Variants in EYS observed in about 807,000 individuals in gnomAD.
EYS encodes EGF-like photoreceptor maintenance factor, also known as protein eyes shut homolog.
In EYS, 250 loss-of-function variants were observed where a neutral mutation model predicts 282.1. The ratio of observed to expected loss-of-function variants is 0.89; its 90% CI spans 0.80 to 0.98. The LOEUF (loss-of-function observed/expected upper bound fraction) is 0.98. EYS is among the 50% of genes least tolerant of loss of function. The pLI is 0.00. For missense variants in EYS, 4,016 were observed against 3,709.0 expected (o/e 1.08, Z -2.15); for synonymous variants, 1,355 against 1,282.9 (o/e 1.06, Z -1.20).
chr6:65,239,705 T>G (rs569381879), intron 12 of EYS, among the ~76,000 whole-genome samples: 4 of 152,224 alleles, frequency 2.6e-5, no homozygotes, highest in Admixed American at 6.5e-5. Flanking sequence ...AAATGGTTTT[T>G]GAAATTAAGA....
chr6:64,644,687 A>G, intron 22 of EYS, among the ~76,000 whole-genome samples: 1 of 152,192 alleles, frequency 6.6e-6, no homozygotes, highest in East Asian at 1.9e-4. Flanking sequence ...GCATGGAAAA[A>G]TATGTTTGCA....
At chr6:64,107,871 A>G (rs1773084754) in intron 31 of EYS, among the ~76,000 whole-genome samples, 1 of 152,054 alleles carries the variant, frequency 6.6e-6, no homozygotes, top group Non-Finnish European at 1.5e-5. Context: ...CGGTGTCCTC[A>G]GACTAGGAAC....
chr6:64,053,128 CT>C (rs1342346917), intron 33 of EYS, among the ~76,000 whole-genome samples: 9 of 151,842 alleles, frequency 5.9e-5, no homozygotes, highest in Non-Finnish European at 7.4e-5. Context: ...TTTCTACCCC[CT>C]TTTTTTGAAA....
chr6:65,513,110 C>G (rs1365109742), intron 2 of EYS, among the ~76,000 whole-genome samples: 1 of 152,126 alleles, frequency 6.6e-6, no homozygotes, highest in East Asian at 1.9e-4. Context: ...AAGGGGATAT[C>G]ACCACCAATC....
At chr6:64,495,279 GACA>G (rs997465291) in intron 26 of EYS, among the ~76,000 whole-genome samples, 5 of 151,674 alleles carry the variant, frequency 3.3e-5, no homozygotes, top group African/African-American at 1.2e-4. Flanking sequence ...AGTCAGGTCA[GACA>G]ACAACTCGGC....
chr6:64,336,433 T>G (rs1490630182), intron 29 of EYS, among the ~76,000 whole-genome samples: 1 of 152,004 alleles, frequency 6.6e-6, no homozygotes, highest in African/African-American at 2.4e-5. Context: ...TCACAATCCT[T>G]AACATACATG....
intron 18 of EYS, among the ~76,000 whole-genome samples, chr6:64,890,048 C>CG (rs1158620150): frequency 2.8e-5 from 1 of 36,116 alleles, no homozygotes; most frequent in Non-Finnish European, 7.9e-5. Flanking sequence ...TATAAATGCC[C>CG]CCCCCCCCCA....
chr6:63,801,429 A>T (rs1222832893), intron 37 of EYS, among the ~76,000 whole-genome samples: 1 of 152,188 alleles, frequency 6.6e-6, no homozygotes, highest in Non-Finnish European at 1.5e-5. Context: ...GTGCCCAACC[A>T]ATATTTGTCC....
chr6:64,325,276 G>A (rs182441579), intron 29 of EYS, among the ~76,000 whole-genome samples: 1 of 152,224 alleles, frequency 6.6e-6, no homozygotes, highest in East Asian at 1.9e-4. Flanking sequence ...CCCTGGAGCC[G>A]GGTAGGCTTG....
intron 5 of EYS, among the ~76,000 whole-genome samples, chr6:65,478,334 C>A (rs1765482046): frequency 6.6e-6 from 1 of 152,042 alleles, no homozygotes; most frequent in Non-Finnish European, 1.5e-5. Flanking sequence ...ATTACATAAA[C>A]ACCTGAATGC....
chr6:64,342,626 G>A (rs1295306124), intron 29 of EYS, among the ~76,000 whole-genome samples: 1 of 152,046 alleles, frequency 6.6e-6, no homozygotes, highest in African/African-American at 2.4e-5. Context: ...AAATTGTAAA[G>A]ACCATAAAGG....
chr6:64,858,454 T>C (rs1055119423), intron 19 of EYS, among the ~76,000 whole-genome samples: 8 of 152,124 alleles, frequency 5.3e-5, no homozygotes, highest in African/African-American at 1.4e-4. Context: ...CATTGGTTGA[T>C]GTGTCTCTCT....
intron 2 of EYS, among the ~76,000 whole-genome samples, chr6:65,627,744 C>T (rs900525614): frequency 3.9e-5 from 6 of 152,322 alleles, no homozygotes; most frequent in African/African-American, 7.2e-5. Flanking sequence ...ACCGATGCTG[C>T]GCTCGATTTC....
At chr6:65,335,892 G>T (rs1381366073) in intron 10 of EYS, among the ~76,000 whole-genome samples, 1 of 151,718 alleles carries the variant, frequency 6.6e-6, no homozygotes. Flanking sequence ...GACTGTTGGA[G>T]GTGGGGCCTG....
intron 26 of EYS, among the ~76,000 whole-genome samples, chr6:64,558,883 T>C (rs1440484127): frequency 6.6e-6 from 1 of 152,212 alleles, no homozygotes; most frequent in African/African-American, 2.4e-5. Flanking sequence ...TCATCTTTTT[T>C]GAAACCACTC....
intron 5 of EYS, among the ~76,000 whole-genome samples, chr6:65,427,322 A>G (rs544376283): frequency 2.6e-5 from 4 of 152,154 alleles, no homozygotes; most frequent in South Asian, 2.1e-4. Context: ...ATTAATTGAG[A>G]TGATGAAGAG....
chr6:65,544,001 A>AGTGTGT (rs751872447), intron 2 of EYS, among the ~76,000 whole-genome samples: 4,862 of 145,000 alleles, frequency 0.034, 85 homozygotes, highest in Non-Finnish European at 0.042. Context: ...AAAAAGAGAA[A>AGTGTGT]GTGTGTGTGT....
At chr6:64,649,910 G>C (rs1474290821) in intron 22 of EYS, among the ~76,000 whole-genome samples, 2 of 152,002 alleles carry the variant, frequency 1.3e-5, no homozygotes, top group Non-Finnish European at 2.9e-5. Context: ...TTTTGTGAGG[G>C]TACCATGGAC....
Position 64,390,068 on chromosome 6 carries a change from G to T in EYS, c.5928-1228C>A, listed in dbSNP as rs569193892. Reference sequence around the variant, plus strand: ...CCCGAATACTGCGCTTTTCCAACGGGCTTAAAAAACGGCACATCACGAGAT... The same window carrying T: ...CCCGAATACTGCGCTTTTCCAACGGTCTTAAAAAACGGCACATCACGAGAT... On this transcript the variant is annotated intron_variant, in intron 28 of 42. Transcript: ENST00000503581. Among the ~76,000 whole-genome samples the T allele has an allele frequency of 3.3e-5, 5 of 151,976 alleles. No homozygotes were observed. In the South Asian group the frequency reaches 6.2e-4, roughly 19 times the overall value.
Sources: allele counts gnomAD v4.1 joint callset (sites outside exome capture counted in the v4.1 genomes callset), GRCh38; gene constraint gnomAD v4.1.1; transcripts MANE v1.5; gene names NCBI Gene and HGNC (gene_info 2026-07-23, HGNC 2026-07-21).